Variants in DZIP3 observed in about 807,000 individuals in gnomAD.
DZIP3 encodes E3 ubiquitin-protein ligase DZIP3.
DZIP3 carries 118 observed loss-of-function variants against 162.0 expected under a neutral mutation model. The ratio of observed to expected loss-of-function variants is 0.73; its 90% CI spans 0.63 to 0.85. The LOEUF is 0.85. Ranked by LOEUF, DZIP3 falls within the 40% of genes least tolerant of loss-of-function variation. The pLI, the probability that DZIP3 is intolerant of heterozygous loss-of-function variation, is 0.00. For synonymous variants in DZIP3, 438 were observed against 458.6 expected (o/e 0.96, Z 0.57); for missense variants, 1,331 against 1,407.0 (o/e 0.95, Z 0.86).
rs1942707409 is a variant in DZIP3 at position 108,648,064 on chromosome 3, C to T, written c.1914C>T (p.Thr638=). ...TTGCAGAAATTAATAAAGATGGGAC[C>T]TCAATACCCAGTGAATCTTCAACAG... ...IQFAEINKDG[T]SIPSESSTES... The change falls in exon 16 of 33, where the codon ACC becomes ACT. Residue 638 remains threonine, a synonymous_variant. Transcript: ENST00000361582. 1.2e-6 allele frequency: 2 copies of T among 1,610,536 alleles called. No individual in the cohort carries two copies. Among genetic ancestry groups the T allele is most frequent in the South Asian group, 2.2e-5 (2 of 90,314 alleles).
chr3:108,611,454 T>C (rs1331082231), intron 4 of DZIP3, 125 bp downstream of exon 4: 28 of 1,157,832 alleles, frequency 2.4e-5, no homozygotes, highest in Non-Finnish European at 3.3e-5. Flanking sequence ...TCTTACTTCT[T>C]GTAAAGGGCT....
At chr3:108,652,926 G>A (rs1161783731) in intron 18 of DZIP3, among the ~76,000 whole-genome samples, 1 of 151,950 alleles carries the variant, frequency 6.6e-6, no homozygotes, top group Non-Finnish European at 1.5e-5. Flanking sequence ...TCTATGATAT[G>A]TTATGACAAA....
intron 5 of DZIP3, among the ~76,000 whole-genome samples, chr3:108,617,351 A>G (rs1011901355): frequency 8.5e-5 from 13 of 152,306 alleles, no homozygotes; most frequent in Non-Finnish European, 1.5e-4. Flanking sequence ...ATATTTTATA[A>G]TGTCGTATAT....
rs747679913 is a variant in DZIP3 at position 108,649,816 on chromosome 3, A to G, written c.2007+854A>G. On this transcript the variant is annotated intron_variant, in intron 17 of 32. Coordinates refer to ENST00000361582, the MANE Select transcript of DZIP3 (RefSeq NM_014648.4). ...GAATTCATATCGAATCTGATAAGTA[A>G]AATATCACTATCATTGTTATATTTA... is the stretch of plus-strand genomic sequence containing the variant. Among the ~76,000 whole-genome samples the G allele has an allele frequency of 2.0e-5, 3 of 151,854 alleles. No homozygotes were observed. The East Asian group carries it at 5.8e-4, about 29-fold the overall frequency.
chr3:108,688,145 C>T (rs745429444), intron 29 of DZIP3, 49 bp downstream of exon 29: 39 of 1,600,112 alleles, frequency 2.4e-5, no homozygotes, highest in Non-Finnish European at 3.1e-5. Context: ...GCCCTTAACT[C>T]TAGTAGTTAA....
chr3:108,673,456 A>G (rs1576455607), intron 23 of DZIP3, among the ~76,000 whole-genome samples: 2 of 143,786 alleles, frequency 1.4e-5, no homozygotes, highest in Admixed American at 6.7e-5. Context: ...TGCTTCTATT[A>G]TTAATTTTAG....
intron 15 of DZIP3, 110 bp downstream of exon 15, chr3:108,646,759 TG>T: frequency 1.2e-6 from 1 of 855,560 alleles, no homozygotes; most frequent in Non-Finnish European, 1.8e-6. Flanking sequence ...GTGAAGAACT[TG>T]GGCCAGGCGC....
intron 8 of DZIP3, among the ~76,000 whole-genome samples, chr3:108,631,053 A>ACTCTCTCTCTCTCTCTCTCTCTCTCT (rs1559741298): frequency 3.1e-5 from 1 of 32,282 alleles, no homozygotes; most frequent in African/African-American, 1.5e-4. Flanking sequence ...ACACACACAC[A>ACTCTCTCTCTCTCTCTCTCTCTCTCT]CACTCTCTCT....
chr3:108,683,698 G>C (rs1189905263), intron 26 of DZIP3, among the ~76,000 whole-genome samples: 2 of 152,084 alleles, frequency 1.3e-5, no homozygotes, highest in Non-Finnish European at 2.9e-5. Flanking sequence ...TCCTCCTCCA[G>C]CTCTCCTTGG....
chr3:108,622,680 A>G (rs1941408034), intron 5 of DZIP3, among the ~76,000 whole-genome samples: 1 of 152,036 alleles, frequency 6.6e-6, no homozygotes, highest in African/African-American at 2.4e-5. Context: ...CTGCTGCTAT[A>G]TCTGCATTAG....
chr3:108,638,477 G>A (rs947213790), intron 12 of DZIP3, among the ~76,000 whole-genome samples: 49 of 151,902 alleles, frequency 3.2e-4, no homozygotes, highest in Admixed American at 8.5e-4. Flanking sequence ...CACCATGCCC[G>A]GCTAATTTTT....
At chr3:108,598,565 G>A (rs1460595248) in intron 1 of DZIP3, among the ~76,000 whole-genome samples, 1 of 152,116 alleles carries the variant, frequency 6.6e-6, no homozygotes, top group Non-Finnish European at 1.5e-5. Flanking sequence ...ATAACAGTGA[G>A]CTGCCAATTT....
At position 108,686,469 on chromosome 3, in the gene DZIP3, C is replaced by T. The variant is rs752717747; in HGVS notation, c.3034C>T (p.Pro1012Ser). 3.1e-6 allele frequency: 5 copies of T among 1,605,804 alleles called. No homozygotes were observed. In the South Asian group the frequency reaches 4.5e-5, roughly 14 times the overall value. ...GATGACTGGCATAGCCTGGGCTCTG[C>T]CAGCGCCTGTGGGAGACGCTGTGCC... ...PLMTGIAWALPAPVGDAVPPS... is the reference protein window; with the variant it reads ...PLMTGIAWALSAPVGDAVPPS... The change falls in exon 28 of 33, where the codon CCA becomes TCA. Residue 1012 changes from proline to serine, a missense_variant. Around this residue, in one of 2 missense-constraint regions of DZIP3, gnomAD observed 1,278 missense variants for 1,317.1 expected, o/e 0.97. Transcript: ENST00000361582.
In DZIP3 at chr3:108,606,583, T is replaced by C. The variant is rs545488590; in HGVS notation, c.32+1145T>C. Among the ~76,000 whole-genome samples the C allele has an allele frequency of 4.6e-5, 7 of 152,280 alleles. No homozygotes were observed. In the South Asian group the frequency reaches 1.4e-3, roughly 32 times the overall value. ...CACAAAGTAACATTTGAACTGATCT[T>C]TAAAGAATGAGAAGCATTGTGATGG... On this transcript the variant is annotated intron_variant, in intron 2 of 32. Transcript: ENST00000361582.
intron 26 of DZIP3, among the ~76,000 whole-genome samples, chr3:108,682,844 A>G (rs1274880306): frequency 1.3e-5 from 2 of 150,826 alleles, no homozygotes; most frequent in Non-Finnish European, 2.9e-5. Context: ...ACATGTATAC[A>G]TGTATGAAAA....
At chr3:108,620,946 C>T (rs1051111415) in intron 5 of DZIP3, among the ~76,000 whole-genome samples, 6 of 152,084 alleles carry the variant, frequency 3.9e-5, no homozygotes, top group Admixed American at 6.6e-5. Context: ...CTCAGCCTCC[C>T]GAGTAGCTGG....
At position 108,632,701 on chromosome 3, in the gene DZIP3, C is replaced by A. The variant is rs115507330; in HGVS notation, c.697-252C>A. ...AAAGAGATGTGTGGCTTCAAACATA[C>A]ACTTCTCTCCATTCTCCATGTTTAT... On this transcript the variant is annotated intron_variant, in intron 8 of 32. Transcript: ENST00000361582. 2.0e-3 allele frequency among the ~76,000 whole-genome samples: 309 copies of A among 152,310 alleles called. 1 individual carries two copies. The highest frequency in any genetic ancestry group is 7.2e-3 in the African/African-American group (299 of 41,564).
intron 15 of DZIP3, 64 bp downstream of exon 15, chr3:108,646,713 T>C (rs1345925983): frequency 2.5e-6 from 3 of 1,197,378 alleles, no homozygotes; most frequent in Non-Finnish European, 3.5e-6. Context: ...ATGAAATTTT[T>C]ATTTGTTCAG....
rs35589891 is a variant in DZIP3, at chr3:108,619,302, ATG to A, written c.375+2667_375+2668del. Among the ~76,000 whole-genome samples the A allele has an allele frequency of 6.5e-3, 957 of 148,002 alleles. 7 individuals carry two copies. Among genetic ancestry groups the A allele is most frequent in the African/African-American group, 0.015 (624 of 40,422 alleles). On this transcript the variant is annotated intron_variant, in intron 5 of 32. Coordinates refer to ENST00000361582, the MANE Select transcript of DZIP3 (RefSeq NM_014648.4). Reference sequence around the variant, plus strand: ...TGTATGTGTGTGGGTATATGTGTGTATGTGTGTGTGTGTGTGTGTGTGTTTTG... The same window carrying A: ...TGTATGTGTGTGGGTATATGTGTGTATGTGTGTGTGTGTGTGTGTGTTTTG...
Sources: allele counts gnomAD v4.1 joint callset (sites outside exome capture counted in the v4.1 genomes callset), GRCh38; gene constraint gnomAD v4.1.1; regional missense constraint gnomAD v4.1.1; transcripts MANE v1.5; gene names NCBI Gene and HGNC (gene_info 2026-07-23, HGNC 2026-07-21).